The following PTPRD variants were observed in gnomAD, a reference collection of about 807,000 sequenced individuals.
The protein encoded by PTPRD is protein tyrosine phosphatase receptor type D.
A neutral mutation model predicts 214.5 loss-of-function variants in PTPRD; 34 were observed. That is an observed-to-expected ratio of 0.16 (90% confidence interval 0.12 to 0.21). The LOEUF is 0.21. PTPRD is among the 10% of genes least tolerant of loss of function. The pLI, the probability that PTPRD is intolerant of heterozygous loss-of-function variation, is 1.00. For synonymous variants in PTPRD, 1,128 were observed against 845.7 expected (o/e 1.33, Z -5.79); for missense variants, 2,545 against 2,398.7 (o/e 1.06, Z -1.27).
intron 36 of PTPRD, among the ~76,000 whole-genome samples, chr9:8,403,543 G>A (rs929124669): frequency 1.3e-5 from 2 of 152,210 alleles, no homozygotes; most frequent in African/African-American, 4.8e-5. Context: ...AATACTGTGT[G>A]TTGAAGATGA....
chr9:8,396,949 G>A (rs1241469588), intron 36 of PTPRD, among the ~76,000 whole-genome samples: 2 of 152,000 alleles, frequency 1.3e-5, no homozygotes, highest in African/African-American at 4.8e-5. Context: ...TTTTTAAAAA[G>A]TACCACGAAA....
intron 39 of PTPRD, among the ~76,000 whole-genome samples, chr9:8,345,909 C>T (rs1380579150): frequency 6.6e-6 from 1 of 152,018 alleles, no homozygotes; most frequent in Non-Finnish European, 1.5e-5. Context: ...CTCTGCCAGT[C>T]CCCAAAATGT....
chr9:9,038,476 C>G (rs545835081), intron 10 of PTPRD, among the ~76,000 whole-genome samples: 29 of 151,756 alleles, frequency 1.9e-4, no homozygotes, highest in African/African-American at 6.8e-4. Flanking sequence ...TGTACACAAA[C>G]TGAGCATGTA....
chr9:8,641,097 C>T (rs1030515297), intron 12 of PTPRD, among the ~76,000 whole-genome samples: 19 of 148,486 alleles, frequency 1.3e-4, no homozygotes, highest in Non-Finnish European at 2.4e-4. Flanking sequence ...ATAAAAGGAA[C>T]ATGATGAATC....
chr9:10,335,265 A>C (rs765447911), intron 3 of PTPRD, among the ~76,000 whole-genome samples: 1 of 151,770 alleles, frequency 6.6e-6, no homozygotes, highest in Non-Finnish European at 1.5e-5. Flanking sequence ...CAGAAAGAGC[A>C]CCTAGAAACA....
intron 4 of PTPRD, among the ~76,000 whole-genome samples, chr9:9,953,797 T>C (rs1028118899): frequency 3.3e-5 from 5 of 152,140 alleles, no homozygotes; most frequent in African/African-American, 1.2e-4. Flanking sequence ...TCATGCTACA[T>C]AGCTCACTCT....
rs182268590 is a variant in PTPRD at position 9,136,889 on chromosome 9, A to G, written c.-143+46415T>C. Among the ~76,000 whole-genome samples the G allele has an allele frequency of 5.5e-3, 831 of 152,230 alleles. 10 individuals are homozygous for G. The highest frequency in any genetic ancestry group is 5.1e-3 in the Non-Finnish European group (344 of 67,990). On this transcript the variant is annotated intron_variant, in intron 10 of 45. Transcript: ENST00000381196. Reference sequence around the variant, plus strand: ...TGTATTTCCAATGGGTGAAATGCCTATTTGGGATTGCCTTCAACTGGTAGG... The same window carrying G: ...TGTATTTCCAATGGGTGAAATGCCTGTTTGGGATTGCCTTCAACTGGTAGG...
At chr9:9,268,807 CAAAA>C (rs66741804) in intron 9 of PTPRD, among the ~76,000 whole-genome samples, 3 of 110,168 alleles carry the variant, frequency 2.7e-5, no homozygotes, top group Admixed American at 9.8e-5. Context: ...TATCCACAAG[CAAAA>C]AAAAAAAAAA....
intron 7 of PTPRD, among the ~76,000 whole-genome samples, chr9:9,732,303 GA>G (rs997737418): frequency 1.3e-5 from 2 of 151,312 alleles, no homozygotes; most frequent in East Asian, 3.9e-4. Flanking sequence ...TCAAACTAGG[GA>G]AAAAAAACTC....
At chr9:9,653,192 A>G (rs902520459) in intron 7 of PTPRD, among the ~76,000 whole-genome samples, 9 of 146,822 alleles carry the variant, frequency 6.1e-5, no homozygotes, top group African/African-American at 2.3e-4. Context: ...AATACAAAAA[A>G]TTAGCCGGGC....
At chr9:8,738,671 T>A (rs531486931) in intron 11 of PTPRD, among the ~76,000 whole-genome samples, 1 of 151,934 alleles carries the variant, frequency 6.6e-6, no homozygotes, top group Non-Finnish European at 1.5e-5. Flanking sequence ...AATCTATGAG[T>A]TCATAATTTT....
chr9:9,598,056 C>T (rs1341461403), intron 7 of PTPRD, among the ~76,000 whole-genome samples: 1 of 151,950 alleles, frequency 6.6e-6, no homozygotes, highest in East Asian at 1.9e-4. Flanking sequence ...ACTTAAGTTG[C>T]TGTCTGGCTT....
intron 10 of PTPRD, among the ~76,000 whole-genome samples, chr9:9,139,114 C>T (rs2099855948): frequency 6.6e-6 from 1 of 151,460 alleles, no homozygotes; most frequent in African/African-American, 2.4e-5. Flanking sequence ...CCCGCCCCCA[C>T]CTTATCCGTG....
At chr9:9,306,523 C>T (rs1353221683) in intron 9 of PTPRD, among the ~76,000 whole-genome samples, 1 of 138,190 alleles carries the variant, frequency 7.2e-6, no homozygotes, top group Non-Finnish European at 1.5e-5. Flanking sequence ...GAGATCACAC[C>T]ACTGCACTCC....
intron 7 of PTPRD, among the ~76,000 whole-genome samples, chr9:9,731,387 T>C (rs1053383633): frequency 6.6e-6 from 1 of 152,150 alleles, no homozygotes; most frequent in Non-Finnish European, 1.5e-5. Flanking sequence ...CTATTAACCA[T>C]CCTTCACATT....
intron 11 of PTPRD, among the ~76,000 whole-genome samples, chr9:8,778,431 G>C (rs80294065): frequency 0.044 from 6,743 of 152,168 alleles, 280 homozygotes; most frequent in African/African-American, 0.1. Flanking sequence ...CTTCTGAGAA[G>C]TTCTCGCTAC....
intron 11 of PTPRD, among the ~76,000 whole-genome samples, chr9:8,737,194 G>A (rs907706648): frequency 3.9e-5 from 6 of 152,182 alleles, no homozygotes; most frequent in Non-Finnish European, 8.8e-5. Context: ...ACTAGCAACA[G>A]TGATAGGATC....
intron 12 of PTPRD, among the ~76,000 whole-genome samples, chr9:8,651,138 G>C (rs192289528): frequency 4.6e-5 from 7 of 152,168 alleles, no homozygotes; most frequent in African/African-American, 1.4e-4. Flanking sequence ...AGAGTGAAGA[G>C]AAAGAATCTA....
At chr9:8,954,096 G>A (rs1246407819) in intron 11 of PTPRD, among the ~76,000 whole-genome samples, 1 of 151,860 alleles carries the variant, frequency 6.6e-6, no homozygotes, top group Non-Finnish European at 1.5e-5. Flanking sequence ...ATCAATCCAG[G>A]CACCCATTCA....
Sources: gnomAD v4.1 joint callset for allele counts (sites outside exome capture counted in the v4.1 genomes callset) on GRCh38, gnomAD v4.1.1 for gene constraint, MANE v1.5 for transcripts, NCBI Gene and HGNC (gene_info 2026-07-23, HGNC 2026-07-21) for gene names.